Variants in ANKRD36 observed in about 807,000 individuals in gnomAD.
The protein encoded by ANKRD36 is ankyrin repeat domain-containing protein 36A.
In ANKRD36, 179 loss-of-function variants were observed where a neutral mutation model predicts 278.1. The observed-to-expected ratio is 0.64, with a 90% CI of 0.57 to 0.73. The LOEUF is 0.73. ANKRD36 is among the 30% of genes least tolerant of loss of function. ANKRD36 has a pLI of 0.00. For missense variants in ANKRD36, 1,159 were observed against 1,956.7 expected (o/e 0.59, Z 7.69); for synonymous variants, 320 against 641.1 (o/e 0.50, Z 7.57).
chr2:97,129,973 T>A (rs1317436861), intron 6 of ANKRD36, among the ~76,000 whole-genome samples: 2 of 152,014 alleles, frequency 1.3e-5, no homozygotes, highest in Non-Finnish European at 2.9e-5. Context: ...TCGTTCCATA[T>A]GAACTTTAAA....
At position 97,113,155 on chromosome 2, in the gene ANKRD36, C is replaced by G. The variant is rs1020411185; in HGVS notation, c.-585C>G. On this transcript the variant is annotated 5_prime_UTR_variant, in exon 1 of 76. Coordinates refer to ENST00000420699, the MANE Select transcript of ANKRD36 (RefSeq NM_001354587.1). ...CCACGGGAGCCCCGCCAGCCCCCGC[C>G]GGAGCCCGAGCTGCAGTGCCGCCTA... is the stretch of plus-strand genomic sequence containing the variant. Among the ~76,000 whole-genome samples the G allele has an allele frequency of 3.9e-5, 6 of 152,138 alleles. No individual in the cohort carries two copies. Among genetic ancestry groups the G allele is most frequent in the African/African-American group, 1.2e-4 (5 of 41,460 alleles).
chr2:97,200,601 G>A (rs2061085885), intron 46 of ANKRD36, 76 bp downstream of exon 46: 4 of 1,530,168 alleles, frequency 2.6e-6, no homozygotes, highest in Admixed American at 3.9e-5. Flanking sequence ...ATCAGTCGGG[G>A]GCTGGTTGAA....
intron 30 of ANKRD36, among the ~76,000 whole-genome samples, chr2:97,186,556 C>T (rs1260008850): frequency 6.6e-6 from 1 of 150,880 alleles, no homozygotes; most frequent in Non-Finnish European, 1.5e-5. Context: ...GAAGAAATGT[C>T]CAGGAAGGCT....
chr2:97,232,594 C>T (rs2072542762), intron 67 of ANKRD36, among the ~76,000 whole-genome samples: 1 of 136,974 alleles, frequency 7.3e-6, no homozygotes, highest in Admixed American at 7.6e-5. Flanking sequence ...ATGCATCTGG[C>T]ATGTCTGTCT....
At chr2:97,137,068 A>G (rs978396366) in intron 6 of ANKRD36, among the ~76,000 whole-genome samples, 1 of 152,074 alleles carries the variant, frequency 6.6e-6, no homozygotes, top group Non-Finnish European at 1.5e-5. Flanking sequence ...TTTGTAACAA[A>G]TCATGAGAGT....
At chr2:97,117,980 A>G in intron 1 of ANKRD36, 84 bp from the exon 2 acceptor site, 5 of 1,494,176 alleles carry the variant, frequency 3.3e-6, no homozygotes, top group Non-Finnish European at 4.5e-6. Flanking sequence ...CAAGAAAATT[A>G]CATATTTGTT....
chr2:97,222,245 T>C (rs1468610775), intron 66 of ANKRD36, among the ~76,000 whole-genome samples: 1 of 151,958 alleles, frequency 6.6e-6, no homozygotes, highest in Non-Finnish European at 1.5e-5. Context: ...TGGCTTAGGA[T>C]TGACTTGGCG....
In ANKRD36 at chr2:97,149,215, A is replaced by G; in HGVS notation, c.1035-80A>G. ...GTTTTACCATTTTTTTGGAGTGGAC[A>G]TACGTGTATAGACTGACGGTTTTTG... On this transcript the variant is annotated intron_variant, in intron 11 of 75. Transcript: ENST00000420699. 3.6e-6 allele frequency: 4 copies of G among 1,104,576 alleles called. No homozygotes were observed. The South Asian group carries it at 4.1e-5, about 11-fold the overall frequency. The allele number at this position is 1,104,576 out of a possible 1,614,324, so 68.4% of individuals were successfully genotyped here.
At chr2:97,163,644 C>T (rs1008909006) in intron 18 of ANKRD36, 5 of 183,756 alleles carry the variant, frequency 2.7e-5, no homozygotes, top group Non-Finnish European at 5.5e-5. Flanking sequence ...GGCGGGATCT[C>T]GGCTCACTGC....
chr2:97,181,455 A>C, intron 24 of ANKRD36, 143 bp from the exon 25 acceptor site: 1 of 968,468 alleles, frequency 1.0e-6, no homozygotes. Context: ...GTCATGTTCC[A>C]GTCTCCAGAC....
intron 38 of ANKRD36, among the ~76,000 whole-genome samples, chr2:97,193,604 T>C (rs922111809): frequency 6.6e-6 from 1 of 151,204 alleles, no homozygotes; most frequent in African/African-American, 2.4e-5. Context: ...CAGATGCACT[T>C]GGAATATTTT....
chr2:97,202,118 A>C lies in ANKRD36; in HGVS notation c.2858-84A>C, dbSNP rs576561714. 119 of 1,591,078 alleles carry C rather than the reference A, an allele frequency of 7.5e-5. No homozygotes were observed. In the African/African-American group the frequency reaches 1.5e-3, roughly 21 times the overall value. ...TATGCTAATACAGGCAGGAGGACAG[A>C]GGTTGATTCTAACAGTGCTCGAATG... is the stretch of plus-strand genomic sequence containing the variant. On this transcript the variant is annotated intron_variant, in intron 46 of 75. Coordinates refer to ENST00000420699, the MANE Select transcript of ANKRD36 (RefSeq NM_001354587.1).
At chr2:97,231,603 T>G (rs564089447) in intron 67 of ANKRD36, among the ~76,000 whole-genome samples, 1 of 152,246 alleles carries the variant, frequency 6.6e-6, no homozygotes, top group Non-Finnish European at 1.5e-5. Context: ...AGGCAATGCC[T>G]CACCCTCCTT....
At chr2:97,200,214 C>T in intron 44 of ANKRD36, 120 bp from the exon 45 acceptor site, 1 of 1,569,720 alleles carries the variant, frequency 6.4e-7, no homozygotes, top group Non-Finnish European at 8.6e-7. Context: ...AAAGTAGAAG[C>T]CATCAAAGCC....
At chr2:97,206,387 G>A (rs1306478153) in intron 52 of ANKRD36, among the ~76,000 whole-genome samples, 1 of 151,404 alleles carries the variant, frequency 6.6e-6, no homozygotes, top group Non-Finnish European at 1.5e-5. Flanking sequence ...AAGACATAAG[G>A]GTCTCTGGGG....
chr2:97,132,459 T>C (rs1438231621), intron 6 of ANKRD36, among the ~76,000 whole-genome samples: 2 of 149,986 alleles, frequency 1.3e-5, no homozygotes, highest in Non-Finnish European at 3.0e-5. Flanking sequence ...TGTTTTTCAT[T>C]ATTTTTTGGC....
chr2:97,117,376 T>C (rs2035760458), intron 1 of ANKRD36, among the ~76,000 whole-genome samples: 1 of 152,096 alleles, frequency 6.6e-6, no homozygotes, highest in Admixed American at 6.6e-5. Context: ...TTCTATGTAC[T>C]GTATCCCACT....
intron 17 of ANKRD36, among the ~76,000 whole-genome samples, chr2:97,160,062 C>T (rs866974150): frequency 9.9e-5 from 15 of 152,272 alleles, no homozygotes; most frequent in Admixed American, 9.2e-4. Context: ...GGATTACAGG[C>T]GTGAGCCACC....
At chr2:97,197,983 A>C (rs1205909638) in intron 42 of ANKRD36, among the ~76,000 whole-genome samples, 1 of 151,914 alleles carries the variant, frequency 6.6e-6, no homozygotes, top group Non-Finnish European at 1.5e-5. Flanking sequence ...AGTGTACTTC[A>C]ACTGAATTGT....
Sources: allele counts gnomAD v4.1 joint callset (sites outside exome capture counted in the v4.1 genomes callset), GRCh38; gene constraint gnomAD v4.1.1; transcripts MANE v1.5; gene names NCBI Gene and HGNC (gene_info 2026-07-23, HGNC 2026-07-21).